FOXP1: variants seen among roughly 807,000 people sequenced by gnomAD.
FOXP1 encodes the protein forkhead box protein P1.
Under a neutral mutation model 98.2 loss-of-function variants are expected in FOXP1, and 15 were observed. That is an observed-to-expected ratio of 0.15 (90% CI 0.10 to 0.24). FOXP1 has a LOEUF of 0.24. FOXP1 is among the 10% of genes least tolerant of loss of function. The pLI is 1.00. For missense variants in FOXP1, 633 were observed against 848.5 expected, an observed-to-expected ratio of 0.75 and a Z score of 3.15; for synonymous variants, 371 against 314.5, an observed-to-expected ratio of 1.18 and a Z score of -1.90.
chr3:71,380,053 G>A (rs553375323), intron 3 of FOXP1, among the ~76,000 whole-genome samples: 5 of 152,216 alleles, frequency 3.3e-5, no homozygotes, highest in Middle Eastern at 3.4e-3. Flanking sequence ...AAAATACAAG[G>A]AAAATCTCCA....
At chr3:71,215,859 C>T (rs2064874389) in intron 5 of FOXP1, among the ~76,000 whole-genome samples, 1 of 152,134 alleles carries the variant, frequency 6.6e-6, no homozygotes, top group Non-Finnish European at 1.5e-5. Context: ...GCAAGCCAGC[C>T]CTGTTCAAAG....
At chr3:71,257,056 T>C (rs1279783236) in intron 5 of FOXP1, among the ~76,000 whole-genome samples, 1 of 152,200 alleles carries the variant, frequency 6.6e-6, no homozygotes, top group African/African-American at 2.4e-5. Context: ...TCAAGCAGTA[T>C]GATGGGAAGG....
chr3:71,092,583 A>C (rs2107611412), intron 7 of FOXP1, among the ~76,000 whole-genome samples: 1 of 152,302 alleles, frequency 6.6e-6, no homozygotes, highest in African/African-American at 2.4e-5. Context: ...GAAATGATTT[A>C]AGCTTTTTTG....
chr3:71,558,577 C>T (rs2046310005), intron 2 of FOXP1, among the ~76,000 whole-genome samples: 1 of 151,752 alleles, frequency 6.6e-6, no homozygotes, highest in Admixed American at 6.6e-5. Context: ...TCACTGCAAC[C>T]TCCGCCTCCG....
intron 4 of FOXP1, chr3:71,305,883 C>CAT (rs2074238892): frequency 6.6e-6 from 1 of 152,618 alleles, no homozygotes; most frequent in Non-Finnish European, 1.5e-5. Context: ...CTTACCCGTT[C>CAT]ATGGTGAGGA....
chr3:71,525,099 C>T (rs2043274877), intron 2 of FOXP1, among the ~76,000 whole-genome samples: 1 of 152,170 alleles, frequency 6.6e-6, no homozygotes, highest in African/African-American at 2.4e-5. Context: ...ATGCAGGGTC[C>T]AAATTGAAAT....
chr3:71,384,544 G>A (rs2108075431), intron 3 of FOXP1, among the ~76,000 whole-genome samples: 1 of 152,294 alleles, frequency 6.6e-6, no homozygotes, highest in South Asian at 2.1e-4. Context: ...GACCTCAGCT[G>A]ATAAATGACT....
At chr3:71,005,331 A>AAC (rs1039820217) in intron 12 of FOXP1, among the ~76,000 whole-genome samples, 1 of 149,466 alleles carries the variant, frequency 6.7e-6, no homozygotes, top group Non-Finnish European at 1.5e-5. Context: ...AAAAAAAAAA[A>AAC]AAAAAAAAAA....
At chr3:71,459,486 T>C (rs1227947035) in intron 3 of FOXP1, among the ~76,000 whole-genome samples, 1 of 152,238 alleles carries the variant, frequency 6.6e-6, no homozygotes, top group Non-Finnish European at 1.5e-5. Flanking sequence ...ATGGAGTCTC[T>C]CTAGTTCCCT....
chr3:71,165,162 G>C (rs1427317485), intron 6 of FOXP1, among the ~76,000 whole-genome samples: 1 of 147,484 alleles, frequency 6.8e-6, no homozygotes, highest in East Asian at 2.0e-4. Flanking sequence ...GGGATGGAAA[G>C]GAAATAAAAC....
chr3:71,465,662 A>G (rs2088634121), intron 3 of FOXP1, among the ~76,000 whole-genome samples: 1 of 152,164 alleles, frequency 6.6e-6, no homozygotes, highest in Admixed American at 6.5e-5. Context: ...AGCACAGTGG[A>G]GGTGCTCTAA....
intron 6 of FOXP1, among the ~76,000 whole-genome samples, chr3:71,125,050 T>C (rs770633345): frequency 6.6e-6 from 1 of 152,234 alleles, no homozygotes; most frequent in Non-Finnish European, 1.5e-5. Context: ...CTCTTTCCAA[T>C]GGCAAATGTA....
At chr3:71,291,112 C>T (rs1053357546) in intron 5 of FOXP1, among the ~76,000 whole-genome samples, 5 of 152,152 alleles carry the variant, frequency 3.3e-5, no homozygotes, top group African/African-American at 1.2e-4. Context: ...TCTATCACCA[C>T]GCCCTTGTTT....
At chr3:71,080,159 A>C (rs1188806532) in intron 7 of FOXP1, among the ~76,000 whole-genome samples, 1 of 152,222 alleles carries the variant, frequency 6.6e-6, no homozygotes, top group African/African-American at 2.4e-5. Flanking sequence ...AAATTTCCAA[A>C]TTAAAACCTG....
intron 12 of FOXP1, among the ~76,000 whole-genome samples, chr3:71,010,395 A>C (rs890126807): frequency 6.6e-6 from 1 of 152,140 alleles, no homozygotes; most frequent in Admixed American, 6.6e-5. Flanking sequence ...TAGTTTCCTT[A>C]ACTCTATGCT....
At position 71,044,850 on chromosome 3, in the gene FOXP1, G is replaced by C. The variant is rs547390891; in HGVS notation, c.664+2092C>G. 7.2e-5 allele frequency among the ~76,000 whole-genome samples: 11 copies of C among 152,270 alleles called. No individual in the cohort carries two copies. In the East Asian group the frequency reaches 2.1e-3, roughly 29 times the overall value. ...CACTGGCTCAAAGACAAACAGAGTT[G>C]ATCAACCTTTTTTTGTCCTTGTACA... is the stretch of plus-strand genomic sequence containing the variant. On this transcript the variant is annotated intron_variant, in intron 10 of 20. Transcript: ENST00000649528.
intron 3 of FOXP1, among the ~76,000 whole-genome samples, chr3:71,399,624 C>A (rs2081813200): frequency 6.6e-6 from 1 of 152,152 alleles, no homozygotes; most frequent in South Asian, 2.1e-4. Flanking sequence ...GGGTTTGCAA[C>A]CTTTGATAAC....
intron 6 of FOXP1, chr3:71,130,458 A>C: frequency 1.4e-3 from 2,231 of 1,577,514 alleles, no homozygotes; most frequent in Non-Finnish European, 1.8e-3. Flanking sequence ...TTAAAAGTTT[A>C]ACCCAGCAAA....
intron 2 of FOXP1, among the ~76,000 whole-genome samples, chr3:71,518,433 G>A (rs2042734191): frequency 6.6e-6 from 1 of 151,884 alleles, no homozygotes; most frequent in East Asian, 1.9e-4. Flanking sequence ...TGCCCTCTAG[G>A]GAATTATCAT....
Sources: gnomAD v4.1 joint callset for allele counts (sites outside exome capture counted in the v4.1 genomes callset) on GRCh38, gnomAD v4.1.1 for gene constraint, MANE v1.5 for transcripts, NCBI Gene and HGNC (gene_info 2026-07-23, HGNC 2026-07-21) for gene names.